CYREN: variants seen among roughly 807,000 people sequenced by gnomAD.
CYREN encodes cell cycle regulator of non-homologous end joining.
CYREN carries 7 observed loss-of-function variants against 9.7 expected under a neutral mutation model. That is an observed-to-expected ratio of 0.72 (90% CI 0.41 to 1.36). CYREN has a LOEUF of 1.36. CYREN is among the 40% of genes most tolerant of loss of function. The probability of loss-of-function intolerance (pLI) is 0.01; values close to 1 mark genes in which losing one functional copy is unlikely to be tolerated. For missense variants in CYREN, 215 were observed against 198.1 expected (o/e 1.09, Z -0.51); for synonymous variants, 76 against 77.9 (o/e 0.98, Z 0.13).
Position 135,146,983 on chromosome 7 carries a change from G to A in CYREN, n.356+21766C>T, listed in dbSNP as rs1278408826. 3.3e-5 allele frequency among the ~76,000 whole-genome samples: 5 copies of A among 152,114 alleles called. No individual in the cohort carries two copies. In the East Asian group the frequency reaches 5.8e-4, roughly 18 times the overall value. On this transcript the variant is annotated intron_variant and non_coding_transcript_variant, in intron 2 of 2. Coordinates refer to the CYREN transcript ENST00000459937. ...GTATTGAGTTTTCAGAGTAACTACT[G>A]TATATTAGTATCTAAAAGTTAATTT...
intron 2 of CYREN, among the ~76,000 whole-genome samples, chr7:135,121,766 C>T (rs1295617849): frequency 1.3e-5 from 2 of 151,900 alleles, no homozygotes; most frequent in African/African-American, 4.8e-5. Flanking sequence ...AGAGGAAGAA[C>T]AGTGTAGTGC....
chr7:135,105,069 A>AG (rs1247047959), intron 2 of CYREN, among the ~76,000 whole-genome samples: 1 of 67,604 alleles, frequency 1.5e-5, no homozygotes, highest in Non-Finnish European at 2.9e-5. Flanking sequence ...TTTACATTCA[A>AG]GTTTTTTTTT....
intron 2 of CYREN, among the ~76,000 whole-genome samples, chr7:135,103,024 G>T (rs996541058): frequency 4.6e-5 from 7 of 152,074 alleles, no homozygotes; most frequent in African/African-American, 1.7e-4. Flanking sequence ...ACCAATAAAG[G>T]CCTTGTTTTA....
At chr7:135,115,719 G>T (rs1330222200) in intron 2 of CYREN, 2 of 894,478 alleles carry the variant, frequency 2.2e-6, no homozygotes, top group East Asian at 5.4e-5. Flanking sequence ...TCTTGAAAAT[G>T]ATGTCAGCTC....
At chr7:135,171,316 T>G (rs1242759687), upstream of CYREN, among the ~76,000 whole-genome samples, 6 of 16,876 alleles carry the variant, frequency 3.6e-4, 1 homozygote, top group African/African-American at 4.6e-4. Context: ...CCTGTTTTTT[T>G]TTTTTTTTTT....
At chr7:135,162,527 T>C (rs968577791), downstream of CYREN, among the ~76,000 whole-genome samples, 8 of 152,334 alleles carry the variant, frequency 5.3e-5, no homozygotes, top group African/African-American at 1.7e-4. Context: ...CTCACAATCA[T>C]GGTGAAAGGC....
chr7:135,162,353 C>T (rs534941664), downstream of CYREN, among the ~76,000 whole-genome samples: 7 of 152,294 alleles, frequency 4.6e-5, no homozygotes, highest in East Asian at 5.8e-4. Flanking sequence ...GTATCATGGC[C>T]CCAGTACCTT....
chr7:135,167,024 T>C, intron 3 of CYREN, 153 bp from the exon 4 acceptor site: 1 of 985,216 alleles, frequency 1.0e-6, no homozygotes. Context: ...CCACCCTCTC[T>C]TCACCCCACT....
intron 2 of CYREN, among the ~76,000 whole-genome samples, chr7:135,132,742 T>C (rs1262847727): frequency 2.6e-5 from 4 of 152,160 alleles, no homozygotes; most frequent in Admixed American, 2.6e-4. Flanking sequence ...CGTGCCACCA[T>C]GTAAGACATG....
At position 135,115,551 on chromosome 7, in the gene CYREN, T is replaced by C. The variant is rs1319039622; in HGVS notation, n.357-20969A>G. 5 of 1,551,432 alleles carry C rather than the reference T, an allele frequency of 3.2e-6. No homozygotes were observed. In the Admixed American group the frequency reaches 9.8e-5, roughly 30 times the overall value. ...CCCATCGTGCATAGCACTAAAAACA[T>C]GCAAACCACTCAGATAAAACAGCTA... On this transcript the variant is annotated intron_variant and non_coding_transcript_variant, in intron 2 of 2. Coordinates refer to the CYREN transcript ENST00000459937.
Position 135,151,957 on chromosome 7 carries a change from G to A in CYREN, n.356+16792C>T, listed in dbSNP as rs573710151. On this transcript the variant is annotated intron_variant and non_coding_transcript_variant, in intron 2 of 2. Transcript: ENST00000459937. This position sits in a 1 kb window ranked among gnomAD's most constrained non-coding sequence, Gnocchi z 4.3. ...AGTTCATCTCTGGGAATGAACCCTG[G>A]CACTATTTGTCTTCCTAGAATCTCA... is the stretch of plus-strand genomic sequence containing the variant. Among the ~76,000 whole-genome samples the A allele has an allele frequency of 6.6e-6, 1 of 152,250 alleles. No individual in the cohort carries two copies. Among genetic ancestry groups the A allele is most frequent in the East Asian group, 1.9e-4 (1 of 5,182 alleles).
intron 2 of CYREN, among the ~76,000 whole-genome samples, chr7:135,130,761 C>G (rs1828630138): frequency 6.6e-6 from 1 of 152,066 alleles, no homozygotes; most frequent in Non-Finnish European, 1.5e-5. Context: ...TTTTAAAGGT[C>G]TTCTCTAACA....
At chr7:135,164,972 G>C (rs772997979), downstream of CYREN, 4 of 1,602,992 alleles carry the variant, frequency 2.5e-6, no homozygotes, top group Non-Finnish European at 3.4e-6. Flanking sequence ...GGGCTGAGAG[G>C]GCTGAGAGCA....
At chr7:135,145,551 T>C (rs1191237048) in intron 2 of CYREN, among the ~76,000 whole-genome samples, 1 of 152,188 alleles carries the variant, frequency 6.6e-6, no homozygotes, top group African/African-American at 2.4e-5. Flanking sequence ...TATAGAATAC[T>C]TGATGCATAG....
rs1830110415 is a variant in CYREN, at chr7:135,166,065, CAG to C, written c.*544_*545del. 1.3e-5 allele frequency: 2 copies of C among 152,442 alleles called. No homozygotes were observed. The highest frequency in any genetic ancestry group is 6.5e-5 in the Admixed American group (1 of 15,290). 9.4% of individuals were successfully genotyped at this position (152,442 alleles called of 1,614,324 possible). A position where few individuals can be genotyped will look rare whatever the true frequency, so the allele number is the denominator to read the frequency against. Reference sequence around the variant, plus strand: ...TACACTGTGGCCTCAACCTCCCAGACAGGGCAGAGAACTGTGGGCAGCTCGTT... The same window carrying C: ...TACACTGTGGCCTCAACCTCCCAGACGGCAGAGAACTGTGGGCAGCTCGTT... On this transcript the variant is annotated 3_prime_UTR_variant, in exon 4 of 4. Coordinates refer to ENST00000393114, the MANE Select transcript of CYREN (RefSeq NM_024033.4).
intron 2 of CYREN, among the ~76,000 whole-genome samples, chr7:135,112,525 C>T (rs1416786762): frequency 1.3e-5 from 2 of 152,198 alleles, no homozygotes; most frequent in Admixed American, 1.3e-4. Flanking sequence ...AGATGACTGT[C>T]CTTTTTTACT....
In CYREN at chr7:135,166,652, C is replaced by T. The variant is rs761335354; in HGVS notation, c.433G>A (p.Glu145Lys). Residue 145 changes from glutamate to lysine, a missense_variant, in exon 4 of 4, where the codon GAG (glutamate) becomes AAG (lysine). Glu to Lys is a moderately conservative substitution (Grantham distance 56). Transcript: ENST00000393114. ...CSRSPEEEEE[E>K]DVLKYVREIF... is the part of the protein sequence containing the mutation. ...TCCCGGACGTATTTCAGCACATCCT[C>T]TTCCTCCTCCTCCTCAGGGCTCCTG... The T allele has an allele frequency of 1.2e-6, 2 of 1,606,448 alleles. No individual in the cohort carries two copies. The highest frequency in any genetic ancestry group is 1.3e-5 in the African/African-American group (1 of 74,922).
At chr7:135,148,188 G>A (rs991377744) in intron 2 of CYREN, 1 of 432,040 alleles carries the variant, frequency 2.3e-6, no homozygotes, top group Non-Finnish European at 4.6e-6. Context: ...GAAAGCCAGC[G>A]AGAAGGAAGA....
intron 2 of CYREN, among the ~76,000 whole-genome samples, chr7:135,125,222 G>C (rs1328051785): frequency 1.3e-5 from 2 of 152,092 alleles, no homozygotes; most frequent in Non-Finnish European, 2.9e-5. Context: ...TATCACCACT[G>C]ATCCCACAGA....
Sources: allele counts gnomAD v4.1 joint callset (sites outside exome capture counted in the v4.1 genomes callset), GRCh38; gene constraint gnomAD v4.1.1; non-coding constraint Gnocchi (gnomAD v3.1); transcripts MANE v1.5; gene names NCBI Gene and HGNC (gene_info 2026-07-23, HGNC 2026-07-21).